PDCL2: variants seen among roughly 807,000 people sequenced by gnomAD.
The protein encoded by PDCL2 is phosducin-like protein 2.
PDCL2 carries 23 observed loss-of-function variants against 30.3 expected under a neutral mutation model. That is an observed-to-expected ratio of 0.76 (90% CI 0.55 to 1.08). The LOEUF (loss-of-function observed/expected upper bound fraction) is 1.08, where lower values mean the gene tolerates loss of function less well. Among genes scored for constraint, PDCL2 ranks in the 50% least tolerant of loss-of-function variants. PDCL2 has a pLI of 0.00. For missense variants in PDCL2, 243 were observed against 282.3 expected (o/e 0.86, Z 1.00); for synonymous variants, 68 against 86.2 (o/e 0.79, Z 1.17).
At chr4:55,561,901 C>T (rs183859052) in intron 5 of PDCL2, among the ~76,000 whole-genome samples, 1 of 152,172 alleles carries the variant, frequency 6.6e-6, no homozygotes, top group African/African-American at 2.4e-5. Flanking sequence ...ATATACACTA[C>T]AGAAATTCAG....
intron 3 of PDCL2, among the ~76,000 whole-genome samples, chr4:55,576,560 A>C (rs1280118620): frequency 6.6e-6 from 1 of 152,224 alleles, no homozygotes; most frequent in African/African-American, 2.4e-5. Context: ...ATTGACTCTA[A>C]GTTGGTATTA....
chr4:55,568,023 T>C (rs1428098636), intron 4 of PDCL2, among the ~76,000 whole-genome samples: 1 of 152,228 alleles, frequency 6.6e-6, no homozygotes, highest in Non-Finnish European at 1.5e-5. Flanking sequence ...GGGCATGTTG[T>C]CCTGTCAAAA....
chr4:55,585,543 G>GAC (rs142178791), intron 1 of PDCL2, among the ~76,000 whole-genome samples: 75 of 125,984 alleles, frequency 6.0e-4, no homozygotes, highest in South Asian at 1.9e-3. Context: ...CACACACACA[G>GAC]ACACACACAC....
intron 5 of PDCL2, 145 bp from the exon 6 acceptor site, chr4:55,556,856 C>G (rs992641734): frequency 1.8e-5 from 13 of 716,040 alleles, no homozygotes; most frequent in Non-Finnish European, 2.7e-5. Context: ...TTTTTTGAGA[C>G]AGAGTCTCCC....
chr4:55,557,078 TC>T (rs1298754303), intron 5 of PDCL2, among the ~76,000 whole-genome samples: 1 of 152,142 alleles, frequency 6.6e-6, no homozygotes, highest in Non-Finnish European at 1.5e-5. Flanking sequence ...CCTCAAGTGA[TC>T]CCCCTACCTT....
At chr4:55,589,015 A>T (rs959966433) in intron 1 of PDCL2, among the ~76,000 whole-genome samples, 1 of 151,468 alleles carries the variant, frequency 6.6e-6, no homozygotes, top group African/African-American at 2.4e-5. Flanking sequence ...CTGCCACCAA[A>T]CCTGGCTAAT....
intron 3 of PDCL2, among the ~76,000 whole-genome samples, chr4:55,578,892 G>A (rs1732637231): frequency 6.6e-6 from 1 of 152,096 alleles, no homozygotes; most frequent in Non-Finnish European, 1.5e-5. Context: ...AATCATTTTA[G>A]CATCCATCAC....
At chr4:55,570,490 A>G (rs762869724) in intron 3 of PDCL2, among the ~76,000 whole-genome samples, 2 of 152,234 alleles carry the variant, frequency 1.3e-5, no homozygotes, top group Non-Finnish European at 2.9e-5. Context: ...CAGTTCCAGT[A>G]CTTGTTAATA....
chr4:55,564,993 G>A (rs1457099678), intron 4 of PDCL2, among the ~76,000 whole-genome samples: 1 of 152,116 alleles, frequency 6.6e-6, no homozygotes, highest in Non-Finnish European at 1.5e-5. Context: ...AATGATAATA[G>A]CTTTTCCCCA....
At chr4:55,560,677 T>A (rs1044930816) in intron 5 of PDCL2, among the ~76,000 whole-genome samples, 8 of 152,194 alleles carry the variant, frequency 5.3e-5, no homozygotes. Context: ...GTAATTACTA[T>A]GGTCTTGAAT....
chr4:55,569,888 A>G (rs1732376114), intron 3 of PDCL2, 27 bp from the exon 4 acceptor site: 11 of 1,422,580 alleles, frequency 7.7e-6, no homozygotes, highest in East Asian at 2.4e-5. Context: ...ATTAAATTAC[A>G]TAAGAATACT....
At chr4:55,583,631 T>C (rs1024576953) in intron 1 of PDCL2, among the ~76,000 whole-genome samples, 2 of 152,210 alleles carry the variant, frequency 1.3e-5, no homozygotes, top group African/African-American at 4.8e-5. Flanking sequence ...AATTCTTCTA[T>C]ATGTGGATAT....
intron 5 of PDCL2, among the ~76,000 whole-genome samples, chr4:55,557,986 T>C (rs915686697): frequency 1.3e-5 from 2 of 149,256 alleles, no homozygotes; most frequent in African/African-American, 5.0e-5. Flanking sequence ...CTGGGCGTGG[T>C]GGCAGGCACC....
At chr4:55,589,151 G>A (rs181641532) in intron 1 of PDCL2, among the ~76,000 whole-genome samples, 32 of 152,234 alleles carry the variant, frequency 2.1e-4, no homozygotes, top group African/African-American at 5.8e-4. Flanking sequence ...GAGCCACCGC[G>A]CCCAGCCAGT....
At chr4:55,566,102 C>T (rs985737838) in intron 4 of PDCL2, among the ~76,000 whole-genome samples, 2 of 149,710 alleles carry the variant, frequency 1.3e-5, no homozygotes, top group African/African-American at 4.9e-5. Flanking sequence ...GCCTCAGCCT[C>T]CCAAGTAACT....
At chr4:55,568,938 T>G (rs566797682) in intron 4 of PDCL2, among the ~76,000 whole-genome samples, 1 of 152,214 alleles carries the variant, frequency 6.6e-6, no homozygotes, top group Non-Finnish European at 1.5e-5. Context: ...GTTTCACCCA[T>G]GTATTTACCA....
At chr4:55,568,543 C>T (rs537543166) in intron 4 of PDCL2, among the ~76,000 whole-genome samples, 11 of 152,122 alleles carry the variant, frequency 7.2e-5, no homozygotes, top group East Asian at 5.8e-4. Flanking sequence ...TGAGTAAGGA[C>T]GACGTATTAG....
intron 1 of PDCL2, among the ~76,000 whole-genome samples, chr4:55,582,533 A>G (rs950161063): frequency 1.3e-5 from 2 of 152,230 alleles, no homozygotes; most frequent in Admixed American, 6.5e-5. Flanking sequence ...GGCAAAACCA[A>G]TTCACATCAT....
chr4:55,569,667 T>C (rs1394133746), intron 4 of PDCL2, 51 bp downstream of exon 4: 2 of 1,386,938 alleles, frequency 1.4e-6, no homozygotes, highest in Admixed American at 2.9e-5. Context: ...ACCAAAAATA[T>C]GTCTTTTAAA....
Sources: gnomAD v4.1 joint callset for allele counts (sites outside exome capture counted in the v4.1 genomes callset) on GRCh38, gnomAD v4.1.1 for gene constraint, MANE v1.5 for transcripts, NCBI Gene and HGNC (gene_info 2026-07-23, HGNC 2026-07-21) for gene names.